GAS7: variants seen among roughly 807,000 people sequenced by gnomAD.
GAS7 encodes the protein growth arrest specific 7, also known as growth arrest-specific protein 7.
In GAS7, 28 loss-of-function variants were observed where a neutral mutation model predicts 71.1. That is an observed-to-expected ratio of 0.39 (90% CI 0.29 to 0.54). GAS7 has a LOEUF of 0.54. Ranked by LOEUF, GAS7 falls within the 20% of genes least tolerant of loss-of-function variation. GAS7 has a pLI of 0.62. For missense variants in GAS7, 436 were observed against 627.8 expected (o/e 0.69, Z 3.27); for synonymous variants, 258 against 245.8 (o/e 1.05, Z -0.46).
intron 9 of GAS7, among the ~76,000 whole-genome samples, chr17:9,930,069 C>T (rs1370124791): frequency 2.0e-5 from 3 of 152,164 alleles, no homozygotes; most frequent in Admixed American, 1.3e-4. Flanking sequence ...AGACGGTGTG[C>T]GGCCGAGAGT....
intron 1 of GAS7, among the ~76,000 whole-genome samples, chr17:10,095,387 G>C (rs1057358097): frequency 1.3e-5 from 2 of 152,074 alleles, no homozygotes; most frequent in Admixed American, 6.6e-5. Context: ...AGAAATCACT[G>C]GGCCCTCGAA....
chr17:10,101,387 A>C (rs2073697191), intron 1 of GAS7, among the ~76,000 whole-genome samples: 1 of 152,250 alleles, frequency 6.6e-6, no homozygotes, highest in South Asian at 2.1e-4. Flanking sequence ...GCATGGCGGA[A>C]GCCACGGCCA....
chr17:9,947,833 C>CA (rs10618544), intron 5 of GAS7, among the ~76,000 whole-genome samples: 1,505 of 95,800 alleles, frequency 0.016, 17 homozygotes, highest in African/African-American at 0.036. Context: ...AGGTTAAAAA[C>CA]AAAAAAAAAA....
intron 2 of GAS7, among the ~76,000 whole-genome samples, chr17:10,018,597 A>G (rs940667129): frequency 3.3e-5 from 5 of 152,182 alleles, no homozygotes; most frequent in Non-Finnish European, 7.3e-5. Context: ...CTTTTCCTAG[A>G]AACTTCATTA....
chr17:10,022,473 C>G (rs2072307809), intron 1 of GAS7, among the ~76,000 whole-genome samples: 1 of 152,154 alleles, frequency 6.6e-6, no homozygotes, highest in Admixed American at 6.5e-5. Context: ...GTGCAGGAGA[C>G]AGGAACCCAC....
In GAS7 at chr17:10,018,387, A is replaced by G. The variant is rs141432629; in HGVS notation, c.304+1390T>C. Among the ~76,000 whole-genome samples the G allele has an allele frequency of 2.4e-3, 359 of 152,282 alleles. 1 individual carries two copies. The highest frequency in any genetic ancestry group is 8.3e-3 in the African/African-American group (346 of 41,564). The stretch of plus-strand genomic sequence containing the variant: ...TATCCCCTAGCAACCTGACCTTCCA[A>G]TAATTTGGATCCAATGTTGTCCCAA... On this transcript the variant is annotated intron_variant, in intron 2 of 13. Transcript: ENST00000432992.
chr17:10,183,150 T>C (rs1259796077), intron 1 of GAS7, among the ~76,000 whole-genome samples: 2 of 151,920 alleles, frequency 1.3e-5, no homozygotes, highest in South Asian at 2.1e-4. Context: ...TACCATCTTG[T>C]ATGCAACTCC....
At chr17:10,087,693 G>A (rs1042691088) in intron 1 of GAS7, among the ~76,000 whole-genome samples, 2 of 152,226 alleles carry the variant, frequency 1.3e-5, no homozygotes. Flanking sequence ...TGGGGTCCTG[G>A]GGGAGATTGA....
rs143205273 is a variant in GAS7 at position 9,914,674 on chromosome 17, A to G, written c.*2554T>C. On this transcript the variant is annotated 3_prime_UTR_variant, in exon 14 of 14. Transcript: ENST00000432992. ...GGTAAATGCCTCACGACGGTGGTTT[A>G]TATTATAATAAAGAATCCCAGAGGG... The G allele has an allele frequency of 8.6e-4, 187 of 218,500 alleles. 1 individual carries two copies. Among genetic ancestry groups the G allele is most frequent in the African/African-American group, 3.9e-3 (173 of 44,664 alleles). 13.5% of individuals were successfully genotyped at this position (218,500 alleles called of 1,614,324 possible).
At chr17:9,982,866 A>AAAGAAAGAAAGAAAGCAAGC (rs1173313108) in intron 2 of GAS7, among the ~76,000 whole-genome samples, 1 of 144,552 alleles carries the variant, frequency 6.9e-6, no homozygotes, top group Non-Finnish European at 1.5e-5. Flanking sequence ...AGAAAGAAAG[A>AAAGAAAGAAAGAAAGCAAGC]AAGCAAAGAA....
chr17:10,023,922 G>A (rs1314162311), intron 1 of GAS7, among the ~76,000 whole-genome samples: 4 of 152,120 alleles, frequency 2.6e-5, no homozygotes, highest in Admixed American at 6.5e-5. Flanking sequence ...TCAGGAGTTC[G>A]AGACCAGCCT....
intron 6 of GAS7, 25 bp from the exon 7 acceptor site, chr17:9,943,261 A>G (rs779418713): frequency 1.5e-6 from 2 of 1,322,812 alleles, no homozygotes; most frequent in South Asian, 2.3e-5. Flanking sequence ...GAAGCACAAG[A>G]GTTTAGGGCA....
At chr17:10,098,288 G>T (rs2152259830) in intron 1 of GAS7, among the ~76,000 whole-genome samples, 1 of 152,320 alleles carries the variant, frequency 6.6e-6, no homozygotes, top group South Asian at 2.1e-4. Context: ...GAGAGCAGGA[G>T]GTGGCTTCCC....
intron 1 of GAS7, among the ~76,000 whole-genome samples, chr17:10,158,395 C>T (rs1410313117): frequency 1.3e-5 from 2 of 150,166 alleles, no homozygotes; most frequent in African/African-American, 2.5e-5. Context: ...ATCTGTAATC[C>T]CAACACTTTG....
rs527573404 is a variant in GAS7, at chr17:9,941,041, G to A, written c.732-841C>T. On this transcript the variant is annotated intron_variant, in intron 7 of 13. Transcript: ENST00000432992. ...GCTCCAGAGATGCTGGGACCACAGC[G>A]TTTGCTTCCCAGCTGCTCAAGCAGC... Among the ~76,000 whole-genome samples, 12 of 152,350 alleles carry A rather than the reference G, an allele frequency of 7.9e-5. No homozygotes were observed. In the South Asian group the frequency reaches 1.9e-3, roughly 24 times the overall value.
At chr17:10,126,372 ACACC>A (rs374539514) in intron 1 of GAS7, among the ~76,000 whole-genome samples, 273 of 143,060 alleles carry the variant, frequency 1.9e-3, no homozygotes, top group East Asian at 4.3e-3. Flanking sequence ...TCTTGCACAC[ACACC>A]CACACACTCA....
intron 8 of GAS7, among the ~76,000 whole-genome samples, chr17:9,936,993 A>C (rs1256645217): frequency 2.0e-5 from 3 of 152,150 alleles, no homozygotes; most frequent in Non-Finnish European, 4.4e-5. Context: ...AAATTTCTAG[A>C]CTCCTGCTTT....
At chr17:10,024,787 T>C (rs1046918356) in intron 1 of GAS7, among the ~76,000 whole-genome samples, 2 of 152,146 alleles carry the variant, frequency 1.3e-5, no homozygotes, top group African/African-American at 4.8e-5. Flanking sequence ...TCCCCTAAAA[T>C]GGGTGCACAT....
rs544256595 is a variant in GAS7, at chr17:10,138,086, C to T, written c.183+60122G>A. ...CATGCCATTCTCCTGCCTCAGCCTC[C>T]CGAGTAGCTGGGACTACAGGCGCCC... On this transcript the variant is annotated intron_variant, in intron 1 of 13. Coordinates refer to ENST00000432992, the MANE Select transcript of GAS7 (RefSeq NM_201433.2). 1.4e-4 allele frequency among the ~76,000 whole-genome samples: 22 copies of T among 152,174 alleles called. 1 individual carries two copies. In the South Asian group the frequency reaches 4.2e-3, roughly 29 times the overall value.
Sources: allele counts gnomAD v4.1 joint callset (sites outside exome capture counted in the v4.1 genomes callset), GRCh38; gene constraint gnomAD v4.1.1; transcripts MANE v1.5; gene names NCBI Gene and HGNC (gene_info 2026-07-23, HGNC 2026-07-21).